FEM1B: variants seen among roughly 807,000 people sequenced by gnomAD.
FEM1B encodes protein fem-1 homolog B.
FEM1B carries 10 observed loss-of-function variants against 38.6 expected under a neutral mutation model. That is an observed-to-expected ratio of 0.26 (90% CI 0.16 to 0.44). The LOEUF is 0.44. FEM1B is among the 20% of genes least tolerant of loss of function. The probability of loss-of-function intolerance (pLI) is 1.00; values close to 1 mark genes in which losing one functional copy is unlikely to be tolerated. For synonymous variants in FEM1B, 288 were observed against 288.0 expected (o/e 1.00, Z 0.00); for missense variants, 471 against 786.7 (o/e 0.60, Z 4.80).
rs764071267 is a variant in FEM1B, at chr15:68,280,294, G to C, written c.248+1629G>C. The C allele has an allele frequency of 6.6e-6, 1 of 152,182 alleles. No individual in the cohort carries two copies. 9.4% of individuals were successfully genotyped at this position (152,182 alleles called of 1,614,324 possible). On this transcript the variant is annotated intron_variant, in intron 1 of 1. Coordinates refer to ENST00000306917, the MANE Select transcript of FEM1B (RefSeq NM_015322.5). This position sits in a 1 kb window ranked among gnomAD's most constrained non-coding sequence, Gnocchi z 4.2. ...CTGTACTGGCCAGAGAAATTAATGA[G>C]TTCGGTAAGTAAACATTTATTGAAC...
At chr15:68,283,502 T>TCAAAAAAAA (rs1892749614) in intron 1 of FEM1B, among the ~76,000 whole-genome samples, 1 of 71,966 alleles carries the variant, frequency 1.4e-5, no homozygotes, top group African/African-American at 6.5e-5. Context: ...CATCTCTACC[T>TCAAAAAAAA]AAAAAAAAAA....
chr15:68,286,098 A>G (rs1049573848), intron 1 of FEM1B, among the ~76,000 whole-genome samples: 11 of 151,868 alleles, frequency 7.2e-5, no homozygotes, highest in African/African-American at 2.4e-4. Flanking sequence ...ATTATTTTCC[A>G]TATAGATTAT....
At chr15:68,285,153 T>A (rs1370164052) in intron 1 of FEM1B, among the ~76,000 whole-genome samples, 4 of 152,374 alleles carry the variant, frequency 2.6e-5, no homozygotes, top group Middle Eastern at 3.4e-3. Context: ...CTTTTTTCGC[T>A]TAACACAGTG....
In FEM1B at chr15:68,292,594, C is replaced by A. The variant is rs1892858687; in HGVS notation, c.*1352C>A. 6.7e-6 allele frequency: 1 copy of A among 150,174 alleles called. No homozygotes were observed. The highest frequency in any genetic ancestry group is 1.5e-5 in the Non-Finnish European group (1 of 67,746). The allele number at this position is 150,174 out of a possible 1,614,324, so 9.3% of individuals were successfully genotyped here. A position where few individuals can be genotyped will look rare whatever the true frequency, so the allele number is the denominator to read the frequency against. ...TTTCTCTCTAGTGCCAAATGAATGC[C>A]TTAGCTACTCATAGTGCATGGTACT... On this transcript the variant is annotated 3_prime_UTR_variant, in exon 2 of 2. Coordinates refer to ENST00000306917, the MANE Select transcript of FEM1B (RefSeq NM_015322.5).
rs1892839553 is a variant in FEM1B at position 68,290,785 on chromosome 15, A to C, written c.1427A>C (p.His476Pro). The change falls in exon 2 of 2, where the codon CAC (histidine) becomes CCC (proline). Residue 476 changes from histidine (H) to proline (P), a missense_variant. His to Pro is a moderately conservative substitution (Grantham distance 77, BLOSUM62 -2). This residue lies in a region of FEM1B where 380 missense variants were observed against 599.6 expected (regional missense o/e 0.63). Coordinates refer to ENST00000306917, the MANE Select transcript of FEM1B (RefSeq NM_015322.5). The surrounding 1 kb of genome is among the most constrained non-coding windows in gnomAD (Gnocchi z 9.7). The stretch of plus-strand genomic sequence containing the variant: ...AACAAGCAGATCTACAACCTGATTC[A>C]CCTTGATCCCAGAACTCGTGAAGGT... ...KINKQIYNLI[H>P]LDPRTREGFT... 6.2e-7 allele frequency: 1 copy of C among 1,613,962 alleles called. No individual in the cohort carries two copies. The highest frequency in any genetic ancestry group is 1.3e-5 in the African/African-American group (1 of 74,908).
intron 1 of FEM1B, among the ~76,000 whole-genome samples, chr15:68,279,562 G>T (rs558046515): frequency 1.3e-5 from 2 of 152,208 alleles, no homozygotes; most frequent in African/African-American, 4.8e-5. Context: ...ACTTGTGGTA[G>T]TACATAAGCT....
Position 68,278,684 on chromosome 15 carries a change from A to G in FEM1B, c.248+19A>G, listed in dbSNP as rs1227238887. 2 of 1,611,194 alleles carry G rather than the reference A, an allele frequency of 1.2e-6. No homozygotes were observed. ...TCGACGGGTAGGTACATCCCAAGCC[A>G]GCCTCTCTCCGACGCGCGCGGACTC... On this transcript the variant is annotated intron_variant, in intron 1 of 1. Coordinates refer to ENST00000306917, the MANE Select transcript of FEM1B (RefSeq NM_015322.5). This position sits in a 1 kb window ranked among gnomAD's most constrained non-coding sequence, Gnocchi z 5.7.
chr15:68,279,713 T>G (rs1185224244), intron 1 of FEM1B, among the ~76,000 whole-genome samples: 1 of 152,200 alleles, frequency 6.6e-6, no homozygotes, highest in Non-Finnish European at 1.5e-5. Context: ...TAGGGAAATG[T>G]TCTGTTTCGG....
chr15:68,283,502 TAAAAAAAAAAAAA>T (rs60432847), intron 1 of FEM1B, among the ~76,000 whole-genome samples: 7 of 71,962 alleles, frequency 9.7e-5, no homozygotes, highest in East Asian at 1.4e-3. Flanking sequence ...CATCTCTACC[TAAAAAAAAAAAAA>T]AAAAAAAAAA....
chr15:68,281,466 A>G lies in FEM1B; in HGVS notation c.248+2801A>G, dbSNP rs1368276578. Among the ~76,000 whole-genome samples the G allele has an allele frequency of 6.6e-6, 1 of 152,210 alleles. No homozygotes were observed. The highest frequency in any genetic ancestry group is 1.5e-5 in the Non-Finnish European group (1 of 68,032). On this transcript the variant is annotated intron_variant, in intron 1 of 1. Transcript: ENST00000306917. This position sits in a 1 kb window ranked among gnomAD's most constrained non-coding sequence, Gnocchi z 5.1. ...TGTTTTGTGTGTGTGCGTGAGAAAG[A>G]CATACATTAAAATAAATATTACAAA...
In FEM1B at chr15:68,295,740, T is replaced by G. The variant is rs1022704023; in HGVS notation, c.*4498T>G. The stretch of plus-strand genomic sequence containing the variant: ...TGACATTTTCTATTTGAGTTTGACA[T>G]GTAGAGTCATTTTTAGTTTCATGGC... On this transcript the variant is annotated 3_prime_UTR_variant, in exon 2 of 2. Transcript: ENST00000306917. 13 of 152,232 alleles carry G rather than the reference T, an allele frequency of 8.5e-5. No homozygotes were observed. The highest frequency in any genetic ancestry group is 1.9e-4 in the Non-Finnish European group (13 of 68,032). 9.4% of individuals were successfully genotyped at this position (152,232 alleles called of 1,614,324 possible).
At position 68,294,937 on chromosome 15, in the gene FEM1B, A is replaced by G. The variant is rs1892887792; in HGVS notation, c.*3695A>G. ...AATGCATAGCTTTGTTCTGGATGTC[A>G]TCTCTTGAAAGTAGAAAACTCCTAT... On this transcript the variant is annotated 3_prime_UTR_variant, in exon 2 of 2. Coordinates refer to ENST00000306917, the MANE Select transcript of FEM1B (RefSeq NM_015322.5). This position sits in a 1 kb window ranked among gnomAD's most constrained non-coding sequence, Gnocchi z 4.4. 6.6e-6 allele frequency: 1 copy of G among 152,158 alleles called. No homozygotes were observed. The highest frequency in any genetic ancestry group is 1.5e-5 in the Non-Finnish European group (1 of 68,016). The allele number at this position is 152,158 out of a possible 1,614,324, so 9.4% of individuals were successfully genotyped here. A position where few individuals can be genotyped will look rare whatever the true frequency, so the allele number is the denominator to read the frequency against.
Position 68,293,326 on chromosome 15 carries a change from C to A in FEM1B, c.*2084C>A, listed in dbSNP as rs1345459941. The A allele has an allele frequency of 6.6e-6, 1 of 152,138 alleles. No homozygotes were observed. The highest frequency in any genetic ancestry group is 1.5e-5 in the Non-Finnish European group (1 of 68,010). 9.4% of individuals were successfully genotyped at this position (152,138 alleles called of 1,614,324 possible). On this transcript the variant is annotated 3_prime_UTR_variant, in exon 2 of 2. Transcript: ENST00000306917. This position sits in a 1 kb window ranked among gnomAD's most constrained non-coding sequence, Gnocchi z 5.8. Reference sequence around the variant, plus strand: ...ATGTATATTATTTTTATTTAAACATCAAAACTTAAAATATCAGATAATGTT... The same window carrying A: ...ATGTATATTATTTTTATTTAAACATAAAAACTTAAAATATCAGATAATGTT...
At chr15:68,285,577 G>A (rs1337987642) in intron 1 of FEM1B, among the ~76,000 whole-genome samples, 1 of 152,066 alleles carries the variant, frequency 6.6e-6, no homozygotes, top group African/African-American at 2.4e-5. Context: ...TGCTGGGTGT[G>A]TATATTGGTA....
Position 68,290,838 on chromosome 15 carries a change from T to C in FEM1B, c.1480T>C (p.Ser494Pro). The change falls in exon 2 of 2, where the codon TCC becomes CCC. Residue 494 changes from serine to proline, a missense_variant. By Grantham distance (74) the Ser-to-Pro change is moderately conservative (BLOSUM62 -1). This residue lies in a region of FEM1B where 380 missense variants were observed against 599.6 expected (regional missense o/e 0.63). Coordinates refer to ENST00000306917, the MANE Select transcript of FEM1B (RefSeq NM_015322.5). This position sits in a 1 kb window ranked among gnomAD's most constrained non-coding sequence, Gnocchi z 9.7. The part of the protein sequence containing the change: ...GFTLLHLAVN[S>P]NTPVDDFHTN... ...CACCTTGCTGCATCTGGCTGTCAAT[T>C]CCAATACTCCAGTTGATGATTTCCA... is the stretch of plus-strand genomic sequence containing the variant. 6.2e-7 allele frequency: 1 copy of C among 1,614,118 alleles called. No homozygotes were observed.
chr15:68,283,554 G>A (rs965547353), intron 1 of FEM1B, among the ~76,000 whole-genome samples: 4 of 149,134 alleles, frequency 2.7e-5, no homozygotes, highest in African/African-American at 7.5e-5. Context: ...GGAGGCTGAG[G>A]TGGATGGATC....
At position 68,278,340 on chromosome 15, in the gene FEM1B, G is replaced by A. The variant is rs1892685531; in HGVS notation, c.-78G>A. The A allele has an allele frequency of 1.3e-6, 2 of 1,519,976 alleles. No individual in the cohort carries two copies. Among genetic ancestry groups the A allele is most frequent in the African/African-American group, 1.4e-5 (1 of 72,656 alleles). The allele number at this position is 1,519,976 out of a possible 1,614,324, so 94.2% of individuals were successfully genotyped here. ...GGCTGTGAGGGCCCAGGTTTAAAGC[G>A]CTGGCGAACGCGGCCTCCGGGGGCG... On this transcript the variant is annotated 5_prime_UTR_variant, in exon 1 of 2. Transcript: ENST00000306917. The surrounding 1 kb of genome is among the most constrained non-coding windows in gnomAD (Gnocchi z 5.7).
Position 68,291,333 on chromosome 15 carries a change from C to A in FEM1B, c.*91C>A. 2.0e-6 allele frequency: 2 copies of A among 1,000,158 alleles called. No homozygotes were observed. The highest frequency in any genetic ancestry group is 2.9e-6 in the Non-Finnish European group (2 of 685,408). 62.0% of individuals were successfully genotyped at this position (1,000,158 alleles called of 1,614,324 possible). A position where few individuals can be genotyped will look rare whatever the true frequency, so the allele number is the denominator to read the frequency against. On this transcript the variant is annotated 3_prime_UTR_variant, in exon 2 of 2. Coordinates refer to ENST00000306917, the MANE Select transcript of FEM1B (RefSeq NM_015322.5). The surrounding 1 kb of genome is among the most constrained non-coding windows in gnomAD (Gnocchi z 6.9). ...TAGAATTATGTGTTCATAAATTCTG[C>A]TTTTCTTTCCACTACCCTTCCTCCC...
Position 68,281,011 on chromosome 15 carries a change from ACT to A in FEM1B, c.248+2351_248+2352del, listed in dbSNP as rs1221118327. On this transcript the variant is annotated intron_variant, in intron 1 of 1. Transcript: ENST00000306917. This position sits in a 1 kb window ranked among gnomAD's most constrained non-coding sequence, Gnocchi z 5.1. Reference sequence around the variant, plus strand: ...TAAAAGAGATATTGAAGTTCCTGGTACTCTCTGTGCATTCACACCTTCTGTGA... The same window carrying A: ...TAAAAGAGATATTGAAGTTCCTGGTACTCTGTGCATTCACACCTTCTGTGA... Among the ~76,000 whole-genome samples the A allele has an allele frequency of 5.9e-5, 9 of 152,154 alleles. No individual in the cohort carries two copies. The highest frequency in any genetic ancestry group is 1.4e-4 in the African/African-American group (6 of 41,432).
Sources: allele counts gnomAD v4.1 joint callset (sites outside exome capture counted in the v4.1 genomes callset), GRCh38; gene constraint gnomAD v4.1.1; regional missense constraint gnomAD v4.1.1; non-coding constraint Gnocchi (gnomAD v3.1); transcripts MANE v1.5; gene names NCBI Gene and HGNC (gene_info 2026-07-23, HGNC 2026-07-21).